The following SPAG16 variants were observed in gnomAD, a reference collection of about 807,000 sequenced individuals.
SPAG16 encodes the protein sperm-associated antigen 16 protein.
In SPAG16, 86 loss-of-function variants were observed where a neutral mutation model predicts 80.4. The observed-to-expected ratio is 1.07, with a 90% confidence interval of 0.90 to 1.28. The LOEUF is 1.28. SPAG16 is among the 50% of genes most tolerant of loss of function. The pLI, the probability that SPAG16 is intolerant of heterozygous loss-of-function variation, is 0.00. For synonymous variants in SPAG16, 294 were observed against 265.9 expected, an observed-to-expected ratio of 1.11 and a Z score of -1.03; for missense variants, 870 against 765.3, an observed-to-expected ratio of 1.14 and a Z score of -1.61.
At chr2:213,692,595 G>A (rs1424235678) in intron 10 of SPAG16, among the ~76,000 whole-genome samples, 1 of 152,076 alleles carries the variant, frequency 6.6e-6, no homozygotes, top group Non-Finnish European at 1.5e-5. Flanking sequence ...CAGATCACAA[G>A]GTCAGCAGAT....
At chr2:214,038,797 GT>G in intron 13 of SPAG16, among the ~76,000 whole-genome samples, 1 of 151,630 alleles carries the variant, frequency 6.6e-6, no homozygotes, top group African/African-American at 2.4e-5. Context: ...GCAGTGTTTG[GT>G]TTTTTGTCCT....
chr2:214,211,730 A>G (rs953043704), intron 15 of SPAG16, among the ~76,000 whole-genome samples: 3 of 152,194 alleles, frequency 2.0e-5, no homozygotes, highest in African/African-American at 7.2e-5. Context: ...TCAATTGATC[A>G]TTACTAAGAA....
At chr2:214,000,539 A>G (rs1389160036) in intron 12 of SPAG16, among the ~76,000 whole-genome samples, 1 of 152,220 alleles carries the variant, frequency 6.6e-6, no homozygotes, top group African/African-American at 2.4e-5. Flanking sequence ...ATATTTATTG[A>G]GTACCCACTC....
At chr2:213,791,031 A>AT (rs966031399) in intron 10 of SPAG16, among the ~76,000 whole-genome samples, 3 of 151,796 alleles carry the variant, frequency 2.0e-5, no homozygotes, top group South Asian at 2.1e-4. Flanking sequence ...ATTATCACTG[A>AT]TTTTTTTTAG....
chr2:214,068,961 T>C (rs2050655891), intron 13 of SPAG16, among the ~76,000 whole-genome samples: 1 of 152,144 alleles, frequency 6.6e-6, no homozygotes, highest in African/African-American at 2.4e-5. Context: ...CAGAAATTCG[T>C]TGCATTATAT....
At chr2:214,185,356 T>A (rs1559113459) in intron 15 of SPAG16, among the ~76,000 whole-genome samples, 1 of 152,086 alleles carries the variant, frequency 6.6e-6, no homozygotes, top group Non-Finnish European at 1.5e-5. Context: ...GAAGCTTATT[T>A]CTTAGTTACT....
At chr2:214,325,295 T>A (rs1242914890) in intron 15 of SPAG16, among the ~76,000 whole-genome samples, 7 of 152,210 alleles carry the variant, frequency 4.6e-5, no homozygotes, top group Admixed American at 4.6e-4. Flanking sequence ...CTGAGACTCC[T>A]TATTTAACAA....
At chr2:214,365,943 TAA>T (rs751876169) in intron 15 of SPAG16, among the ~76,000 whole-genome samples, 25 of 151,428 alleles carry the variant, frequency 1.7e-4, no homozygotes, top group Non-Finnish European at 3.7e-4. Flanking sequence ...AAAAAAATGT[TAA>T]GAGGCTGGTC....
chr2:214,323,947 C>A (rs1696293377), intron 15 of SPAG16, among the ~76,000 whole-genome samples: 1 of 152,128 alleles, frequency 6.6e-6, no homozygotes, highest in South Asian at 2.1e-4. Flanking sequence ...GGTCTTTGAT[C>A]CATAAGCACT....
At chr2:213,499,268 C>A (rs1037261502) in intron 10 of SPAG16, among the ~76,000 whole-genome samples, 5 of 152,094 alleles carry the variant, frequency 3.3e-5, no homozygotes, top group Non-Finnish European at 7.4e-5. Context: ...TATACTAGAG[C>A]TCCTTTCTGT....
Sources: allele counts gnomAD v4.1 joint callset (sites outside exome capture counted in the v4.1 genomes callset), GRCh38; gene constraint gnomAD v4.1.1; transcripts MANE v1.5; gene names NCBI Gene and HGNC (gene_info 2026-07-23, HGNC 2026-07-21).